Variants in ARHGAP12 observed in about 807,000 individuals in gnomAD.
ARHGAP12 encodes the protein rho GTPase-activating protein 12.
In ARHGAP12, 64 loss-of-function variants were observed where a neutral mutation model predicts 108.6. The observed-to-expected ratio is 0.59, with a 90% CI of 0.48 to 0.73. ARHGAP12 has a LOEUF of 0.73. Among genes scored for constraint, ARHGAP12 ranks in the 30% least tolerant of loss-of-function variants. The probability of loss-of-function intolerance (pLI) is 0.00; values close to 1 mark genes in which losing one functional copy is unlikely to be tolerated. For synonymous variants in ARHGAP12, 312 were observed against 337.2 expected (o/e 0.93, Z 0.82); for missense variants, 940 against 1,005.9 (o/e 0.93, Z 0.89).
At chr10:31,846,743 GTC>G (rs1212965000) in intron 6 of ARHGAP12, among the ~76,000 whole-genome samples, 1 of 152,076 alleles carries the variant, frequency 6.6e-6, no homozygotes, top group Non-Finnish European at 1.5e-5. Context: ...AGCTTCTTGA[GTC>G]TGTTGGTTTG....
chr10:31,861,008 T>C (rs548230735), intron 4 of ARHGAP12, among the ~76,000 whole-genome samples: 3 of 152,328 alleles, frequency 2.0e-5, no homozygotes, highest in African/African-American at 7.2e-5. Context: ...TGAGATATCA[T>C]TGCACCAGGG....
chr10:31,874,841 G>A (rs1384354103), intron 3 of ARHGAP12, among the ~76,000 whole-genome samples: 1 of 151,752 alleles, frequency 6.6e-6, no homozygotes, highest in African/African-American at 2.4e-5. Flanking sequence ...AGGCGTGGTG[G>A]CCAGCACCTG....
At chr10:31,880,246 T>G (rs1232943176) in intron 3 of ARHGAP12, among the ~76,000 whole-genome samples, 1 of 152,216 alleles carries the variant, frequency 6.6e-6, no homozygotes, top group Non-Finnish European at 1.5e-5. Flanking sequence ...ATTAAAATGT[T>G]TAACAAAACA....
chr10:31,859,157 A>G (rs944596042), intron 4 of ARHGAP12, among the ~76,000 whole-genome samples: 1 of 152,210 alleles, frequency 6.6e-6, no homozygotes, highest in Non-Finnish European at 1.5e-5. Context: ...GACAATAGAC[A>G]CAATAGGAAC....
At position 31,834,342 on chromosome 10, in the gene ARHGAP12, G is replaced by T. The variant is rs77403224; in HGVS notation, c.1387-2542C>A. On this transcript the variant is annotated intron_variant, in intron 9 of 19. Transcript: ENST00000344936. Reference sequence around the variant, plus strand: ...TGGGAGATGATCAGGTCATGAAGGTGAAGCCCACATGAATCTAATTAGTGC... The same window carrying T: ...TGGGAGATGATCAGGTCATGAAGGTTAAGCCCACATGAATCTAATTAGTGC... Among the ~76,000 whole-genome samples, 14 of 152,286 alleles carry T rather than the reference G, an allele frequency of 9.2e-5. No individual in the cohort carries two copies. In the East Asian group the frequency reaches 2.7e-3, roughly 29 times the overall value.
chr10:31,913,779 T>G (rs1235711025), intron 1 of ARHGAP12: 1 of 152,096 alleles, frequency 6.6e-6, no homozygotes, highest in South Asian at 2.1e-4. Context: ...TAGCAGGGTT[T>G]TTTTTTTTTT....
chr10:31,827,046 A>G (rs1263061996), intron 10 of ARHGAP12: 2 of 152,238 alleles, frequency 1.3e-5, no homozygotes, highest in African/African-American at 4.8e-5. Context: ...GAGGTAACCA[A>G]TGTTAAGACT....
At chr10:31,838,175 T>C (rs1836097448) in intron 9 of ARHGAP12, among the ~76,000 whole-genome samples, 1 of 152,060 alleles carries the variant, frequency 6.6e-6, no homozygotes, top group Non-Finnish European at 1.5e-5. Context: ...CAGGCAAAGA[T>C]GTCGGGGAGA....
intron 7 of ARHGAP12, among the ~76,000 whole-genome samples, chr10:31,840,760 C>A (rs1308686893): frequency 6.6e-6 from 1 of 152,030 alleles, no homozygotes; most frequent in Non-Finnish European, 1.5e-5. Flanking sequence ...GGGTTTATAT[C>A]CCACACAATT....
chr10:31,913,358 T>C (rs895217688), intron 1 of ARHGAP12: 2 of 157,606 alleles, frequency 1.3e-5, no homozygotes, highest in East Asian at 3.6e-4. Context: ...GAAAGAGAAA[T>C]GAAAGCCTAC....
chr10:31,847,774 G>C (rs970754832), intron 6 of ARHGAP12, among the ~76,000 whole-genome samples: 1 of 152,152 alleles, frequency 6.6e-6, no homozygotes, highest in Non-Finnish European at 1.5e-5. Context: ...CAGGCAGGGA[G>C]GGGGAGAGTG....
At chr10:31,893,105 G>C (rs1301848147) in intron 3 of ARHGAP12, among the ~76,000 whole-genome samples, 7 of 152,216 alleles carry the variant, frequency 4.6e-5, no homozygotes, top group Non-Finnish European at 8.8e-5. Context: ...AAAGCAGTGT[G>C]TAAAGGGAAA....
intron 9 of ARHGAP12, among the ~76,000 whole-genome samples, chr10:31,838,633 C>A (rs113506519): frequency 6.6e-6 from 1 of 151,996 alleles, no homozygotes; most frequent in Non-Finnish European, 1.5e-5. Flanking sequence ...AGTTTGAGAC[C>A]AGCCTGGTCA....
chr10:31,849,071 A>G (rs78230517), intron 6 of ARHGAP12, among the ~76,000 whole-genome samples: 4 of 152,006 alleles, frequency 2.6e-5, no homozygotes, highest in Non-Finnish European at 2.9e-5. Flanking sequence ...AAAAAAAAAA[A>G]GAACATTACT....
At chr10:31,811,328 G>C (rs918198226) in intron 15 of ARHGAP12, among the ~76,000 whole-genome samples, 1 of 152,066 alleles carries the variant, frequency 6.6e-6, no homozygotes, top group Non-Finnish European at 1.5e-5. Flanking sequence ...CGTCCATCAC[G>C]TACCAACATT....
At chr10:31,880,616 T>A (rs1342337830) in intron 3 of ARHGAP12, among the ~76,000 whole-genome samples, 2 of 152,184 alleles carry the variant, frequency 1.3e-5, no homozygotes, top group Non-Finnish European at 1.5e-5. Context: ...TATCACTTCA[T>A]GTAATATAAC....
chr10:31,831,944 G>A (rs1835850806), intron 9 of ARHGAP12, 144 bp from the exon 10 acceptor site: 2 of 445,240 alleles, frequency 4.5e-6, no homozygotes, highest in Admixed American at 4.3e-5. Flanking sequence ...CGTAGTTCTA[G>A]AATACATTAA....
intron 1 of ARHGAP12, among the ~76,000 whole-genome samples, chr10:31,910,839 G>A (rs1205875224): frequency 6.6e-6 from 1 of 152,062 alleles, no homozygotes; most frequent in African/African-American, 2.4e-5. Flanking sequence ...ATTCTGACAA[G>A]CATCTTTCTA....
intron 1 of ARHGAP12, among the ~76,000 whole-genome samples, chr10:31,918,396 A>G (rs868727412): frequency 2.0e-4 from 31 of 151,420 alleles, no homozygotes; most frequent in African/African-American, 7.0e-4. Flanking sequence ...CAGGACGGCT[A>G]TCATTTTTTT....
Sources: gnomAD v4.1 joint callset for allele counts (sites outside exome capture counted in the v4.1 genomes callset) on GRCh38, gnomAD v4.1.1 for gene constraint, MANE v1.5 for transcripts, NCBI Gene and HGNC (gene_info 2026-07-23, HGNC 2026-07-21) for gene names.